The following FUBP3 variants were observed in gnomAD, a reference collection of about 807,000 sequenced individuals.
FUBP3 encodes the protein far upstream element-binding protein 3.
In FUBP3, 28 loss-of-function variants were observed where a neutral mutation model predicts 85.6. The observed-to-expected ratio is 0.33, with a 90% confidence interval of 0.24 to 0.45. The LOEUF (loss-of-function observed/expected upper bound fraction) is 0.45, where lower values mean the gene tolerates loss of function less well. FUBP3 is among the 20% of genes least tolerant of loss of function. FUBP3 has a pLI of 1.00. For missense variants in FUBP3, 583 were observed against 755.1 expected (o/e 0.77, Z 2.67); for synonymous variants, 271 against 271.4 (o/e 1.00, Z 0.01).
At chr9:130,602,566 G>A (rs1393525705) in intron 2 of FUBP3, among the ~76,000 whole-genome samples, 1 of 152,150 alleles carries the variant, frequency 6.6e-6, no homozygotes, top group Non-Finnish European at 1.5e-5. Context: ...GAGGCCACCA[G>A]TCTCCACTCT....
intron 1 of FUBP3, among the ~76,000 whole-genome samples, chr9:130,589,705 A>ATATATATATTTTT (rs1414691549): frequency 1.4e-5 from 1 of 73,860 alleles, no homozygotes; most frequent in African/African-American, 7.7e-5. Context: ...ATATATATAT[A>ATATATATATTTTT]TTTTTTTTTT....
intron 1 of FUBP3, among the ~76,000 whole-genome samples, chr9:130,580,054 G>C (rs1050036251): frequency 6.6e-6 from 1 of 152,244 alleles, no homozygotes; most frequent in Non-Finnish European, 1.5e-5. Flanking sequence ...TGGACCCACA[G>C]TGTAGCTAGC....
At chr9:130,606,602 C>T (rs1367083070) in intron 2 of FUBP3, among the ~76,000 whole-genome samples, 1 of 152,068 alleles carries the variant, frequency 6.6e-6, no homozygotes, top group Admixed American at 6.5e-5. Flanking sequence ...GGGCGGATCA[C>T]CTGAGGTCGG....
intron 8 of FUBP3, among the ~76,000 whole-genome samples, chr9:130,619,121 G>A (rs1414685869): frequency 6.6e-6 from 1 of 152,196 alleles, no homozygotes; most frequent in Non-Finnish European, 1.5e-5. Flanking sequence ...CGGCCACAGA[G>A]TGCCTGCCTC....
chr9:130,597,285 C>A (rs1240012406), intron 2 of FUBP3, among the ~76,000 whole-genome samples: 2 of 152,056 alleles, frequency 1.3e-5, no homozygotes, highest in African/African-American at 4.8e-5. Flanking sequence ...CAAATAACAC[C>A]TCCAAAAAGT....
chr9:130,592,644 A>G (rs1321624578), intron 1 of FUBP3, among the ~76,000 whole-genome samples: 1 of 152,174 alleles, frequency 6.6e-6, no homozygotes, highest in Non-Finnish European at 1.5e-5. Context: ...CCCCGGCTCA[A>G]GCAGTCCTCC....
Position 130,616,402 on chromosome 9 carries a change from G to A in FUBP3, c.452G>A (p.Gly151Glu). ...LGQIVDRCRNGPGFHNDIDSN... is the reference protein window; with the variant it reads ...LGQIVDRCRNEPGFHNDIDSN... ...CAGATTGTGGACCGCTGTCGAAATGGACCTGGCTTTCATAATGACATAGAC... is the reference window on the plus strand; with the variant it reads ...CAGATTGTGGACCGCTGTCGAAATGAACCTGGCTTTCATAATGACATAGAC... Residue 151 changes from glycine (G) to glutamate (E), a missense_variant, in exon 7 of 19, where the codon GGA becomes GAA. Around this residue, in one of 3 missense-constraint regions of FUBP3, gnomAD observed 177 missense variants for 221.9 expected, o/e 0.80. Coordinates refer to ENST00000319725, the MANE Select transcript of FUBP3 (RefSeq NM_003934.2). This position sits in a 1 kb window ranked among gnomAD's most constrained non-coding sequence, Gnocchi z 4.7. 1.9e-6 allele frequency: 3 copies of A among 1,614,158 alleles called. No homozygotes were observed. Among genetic ancestry groups the A allele is most frequent in the South Asian group, 2.2e-5 (2 of 91,082 alleles).
At chr9:130,585,311 C>T (rs1206379836) in intron 1 of FUBP3, among the ~76,000 whole-genome samples, 1 of 152,184 alleles carries the variant, frequency 6.6e-6, no homozygotes, top group Non-Finnish European at 1.5e-5. Flanking sequence ...TTCCCGCCAT[C>T]TTGCTATTGT....
Position 130,579,783 on chromosome 9 carries a change from G to A in FUBP3, c.84+19G>A. On this transcript the variant is annotated intron_variant, in intron 1 of 18. Coordinates refer to ENST00000319725, the MANE Select transcript of FUBP3 (RefSeq NM_003934.2). ...CCGGCAGGTACGGGCGCAGCCGGCT[G>A]GCAGGAGCACGAGATCCCGAGGCGG... 9 of 1,262,058 alleles carry A rather than the reference G, an allele frequency of 7.1e-6. No individual in the cohort carries two copies. The highest frequency in any genetic ancestry group is 9.0e-6 in the Non-Finnish European group (9 of 999,820). 78.2% of individuals were successfully genotyped at this position (1,262,058 alleles called of 1,614,324 possible). A position where few individuals can be genotyped will look rare whatever the true frequency, so the allele number is the denominator to read the frequency against.
rs375139367 is a variant in FUBP3 at position 130,630,671 on chromosome 9, C to T, written c.1161C>T (p.His387=). The change falls in exon 13 of 19, where the codon CAC becomes CAT. Residue 387 remains histidine, a synonymous_variant. Coordinates refer to ENST00000319725, the MANE Select transcript of FUBP3 (RefSeq NM_003934.2). ...GCATCAACCAGCAGTCAGGGGCGCA[C>T]GTGGAGCTTCAGAGGAACCCCCCTC... is the stretch of plus-strand genomic sequence containing the variant. ...IKSINQQSGA[H]VELQRNPPPN... The T allele has an allele frequency of 8.7e-6, 14 of 1,600,350 alleles. 1 individual carries two copies. The highest frequency in any genetic ancestry group is 6.8e-5 in the African/African-American group (5 of 73,582).
At chr9:130,598,087 G>A (rs1489668404) in intron 2 of FUBP3, among the ~76,000 whole-genome samples, 1 of 152,240 alleles carries the variant, frequency 6.6e-6, no homozygotes, top group African/African-American at 2.4e-5. Context: ...GGTTTTAAGT[G>A]AGATTCTGGA....
Position 130,616,546 on chromosome 9 carries a change from C to T in FUBP3, c.567+29C>T, listed in dbSNP as rs200664967. On this transcript the variant is annotated intron_variant, in intron 7 of 18. Coordinates refer to ENST00000319725, the MANE Select transcript of FUBP3 (RefSeq NM_003934.2). The surrounding 1 kb of genome is among the most constrained non-coding windows in gnomAD (Gnocchi z 4.7). ...TGTGAGCCCGGAGCACGGAGCACAGCGGCCGCTCGCAGCAGGTCTTCAGCT... is the reference window on the plus strand; with the variant it reads ...TGTGAGCCCGGAGCACGGAGCACAGTGGCCGCTCGCAGCAGGTCTTCAGCT... 1.3e-3 allele frequency: 2,144 copies of T among 1,608,468 alleles called. 4 individuals carry two copies. The highest frequency in any genetic ancestry group is 1.6e-3 in the Non-Finnish European group (1,938 of 1,175,380).
intron 2 of FUBP3, among the ~76,000 whole-genome samples, chr9:130,595,810 G>T (rs1830840696): frequency 6.6e-6 from 1 of 152,212 alleles, no homozygotes; most frequent in Non-Finnish European, 1.5e-5. Flanking sequence ...CTGAGATAAA[G>T]ACTTGGCCCC....
At chr9:130,602,304 A>G (rs1314950340) in intron 2 of FUBP3, among the ~76,000 whole-genome samples, 1 of 152,172 alleles carries the variant, frequency 6.6e-6, no homozygotes. Context: ...TAAAGGACGA[A>G]TTCTTGGGCG....
intron 1 of FUBP3, among the ~76,000 whole-genome samples, chr9:130,585,663 G>A (rs1318668253): frequency 6.6e-6 from 1 of 152,182 alleles, no homozygotes; most frequent in African/African-American, 2.4e-5. Context: ...CAGGGTTTAG[G>A]GTGTGTTTCG....
chr9:130,622,647 T>C, intron 9 of FUBP3, 61 bp from the exon 10 acceptor site: 2 of 687,318 alleles, frequency 2.9e-6, no homozygotes, highest in Admixed American at 2.9e-5. Flanking sequence ...AAAAAAAAAG[T>C]GCCCTTTAAA....
At chr9:130,628,366 G>A (rs1368702065) in intron 12 of FUBP3, among the ~76,000 whole-genome samples, 1 of 152,214 alleles carries the variant, frequency 6.6e-6, no homozygotes, top group Non-Finnish European at 1.5e-5. Context: ...ATTGCTTTAC[G>A]ATTTCACGTC....
chr9:130,635,690 C>A lies in FUBP3; in HGVS notation c.1583-309C>A, dbSNP rs915164883. On this transcript the variant is annotated intron_variant, in intron 17 of 18. Coordinates refer to ENST00000319725, the MANE Select transcript of FUBP3 (RefSeq NM_003934.2). This position sits in a 1 kb window ranked among gnomAD's most constrained non-coding sequence, Gnocchi z 4.3. ...CCCCCACCCCCACCCCAGGATCCCCCCTTCTCTGTCTGTCACAGGGCCCTG... is the reference window on the plus strand; with the variant it reads ...CCCCCACCCCCACCCCAGGATCCCCACTTCTCTGTCTGTCACAGGGCCCTG... Among the ~76,000 whole-genome samples the A allele has an allele frequency of 1.3e-5, 2 of 152,178 alleles. No homozygotes were observed. The highest frequency in any genetic ancestry group is 3.9e-4 in the East Asian group (2 of 5,158).
At chr9:130,596,923 G>A (rs1368928009) in intron 2 of FUBP3, among the ~76,000 whole-genome samples, 2 of 152,064 alleles carry the variant, frequency 1.3e-5, no homozygotes, top group African/African-American at 2.4e-5. Context: ...AAACAATCCA[G>A]TTACTCTCTT....
Sources: gnomAD v4.1 joint callset for allele counts (sites outside exome capture counted in the v4.1 genomes callset) on GRCh38, gnomAD v4.1.1 for gene constraint, gnomAD v4.1.1 regional missense constraint, Gnocchi (gnomAD v3.1) non-coding constraint, MANE v1.5 for transcripts, NCBI Gene and HGNC (gene_info 2026-07-23, HGNC 2026-07-21) for gene names.